TMEM74: variants seen among roughly 807,000 people sequenced by gnomAD.
TMEM74 encodes the protein transmembrane protein 74.
TMEM74 carries 13 observed loss-of-function variants against 18.1 expected under a neutral mutation model. The ratio of observed to expected loss-of-function variants is 0.72; its 90% CI spans 0.47 to 1.14. The LOEUF is 1.14. Ranked by LOEUF, TMEM74 falls within the 50% of genes most tolerant of loss-of-function variation. The pLI, the probability that TMEM74 is intolerant of heterozygous loss-of-function variation, is 0.00. For missense variants in TMEM74, 372 were observed against 375.9 expected, an observed-to-expected ratio of 0.99 and a Z score of 0.09; for synonymous variants, 159 against 146.6, an observed-to-expected ratio of 1.08 and a Z score of -0.61.
chr8:108,666,254 A>G (rs868438676), intron 1 of TMEM74, among the ~76,000 whole-genome samples: 6 of 152,310 alleles, frequency 3.9e-5, no homozygotes, highest in South Asian at 2.1e-4. Context: ...AGCTGGCAAC[A>G]TAGGTGTTTA....
At chr8:108,717,680 A>C (rs1000916408) in intron 1 of TMEM74, among the ~76,000 whole-genome samples, 1 of 152,134 alleles carries the variant, frequency 6.6e-6, no homozygotes, top group Non-Finnish European at 1.5e-5. Context: ...AGGGACTAGA[A>C]GGGGCGAGGG....
exon 4 of TMEM74, chr8:108,607,229 G>A (rs1812282487): frequency 6.6e-6 from 1 of 152,208 alleles, no homozygotes; most frequent in African/African-American, 2.4e-5. Context: ...AATTGGACAA[G>A]GTCACATGAC....
intron 1 of TMEM74, among the ~76,000 whole-genome samples, chr8:108,668,742 G>C (rs1812973704): frequency 6.6e-6 from 1 of 152,128 alleles, no homozygotes; most frequent in Non-Finnish European, 1.5e-5. Context: ...GGGGAAGTTT[G>C]ACTCTTATCA....
chr8:108,759,870 G>A (rs568130970), intron 1 of TMEM74, among the ~76,000 whole-genome samples: 3 of 152,072 alleles, frequency 2.0e-5, no homozygotes, highest in Non-Finnish European at 4.4e-5. Flanking sequence ...CCTGTAATAG[G>A]AAGAGTTTCA....
intron 1 of TMEM74, among the ~76,000 whole-genome samples, chr8:108,676,262 C>T (rs748656382): frequency 6.6e-6 from 1 of 152,162 alleles, no homozygotes; most frequent in Non-Finnish European, 1.5e-5. Flanking sequence ...ACCCAACACC[C>T]CTAAGAGCTG....
At chr8:108,703,072 T>G (rs1813352812) in intron 1 of TMEM74, among the ~76,000 whole-genome samples, 1 of 152,132 alleles carries the variant, frequency 6.6e-6, no homozygotes, top group Admixed American at 6.5e-5. Flanking sequence ...AAAGGAATAA[T>G]CCCTCTAGGC....
Position 108,651,066 on chromosome 8 carries a change from G to A in TMEM74, n.264+4227C>T, listed in dbSNP as rs145030587. On this transcript the variant is annotated intron_variant and non_coding_transcript_variant, in intron 2 of 3. Coordinates refer to the TMEM74 transcript ENST00000518838. Reference sequence around the variant, plus strand: ...ATTGCTTGATACTCTACACCGTTCTGTATCTCCCTTTTATGTCTTAATCTT... The same window carrying A: ...ATTGCTTGATACTCTACACCGTTCTATATCTCCCTTTTATGTCTTAATCTT... 3.9e-3 allele frequency among the ~76,000 whole-genome samples: 590 copies of A among 152,112 alleles called. 5 individuals carry two copies. The highest frequency in any genetic ancestry group is 0.011 in the African/African-American group (473 of 41,510).
chr8:108,609,988 G>T (rs540782344), intron 2 of TMEM74, among the ~76,000 whole-genome samples: 1 of 152,026 alleles, frequency 6.6e-6, no homozygotes, highest in African/African-American at 2.4e-5. Context: ...GAAAATAAAC[G>T]GGCCAAAAAT....
rs560617799 is a variant in TMEM74 at position 108,687,111 on chromosome 8, G to T, written n.120-31674C>A. On this transcript the variant is annotated intron_variant and non_coding_transcript_variant, in intron 1 of 3. Transcript: ENST00000518838. ...GTAAGGTAATTTGCTCTCCATTTGT[G>T]CTAAAAAATTTTATCTCTACCTCAC... is the stretch of plus-strand genomic sequence containing the variant. 1.3e-3 allele frequency among the ~76,000 whole-genome samples: 200 copies of T among 151,942 alleles called. 2 individuals are homozygous for T. In the South Asian group the frequency reaches 0.04, roughly 31 times the overall value.
At chr8:108,702,360 A>AG (rs1813345501) in intron 1 of TMEM74, among the ~76,000 whole-genome samples, 1 of 151,172 alleles carries the variant, frequency 6.6e-6, no homozygotes, top group Non-Finnish European at 1.5e-5. Context: ...AAAAAAAAAA[A>AG]AAGAAAGAAA....
chr8:108,757,888 T>C (rs1813995968), intron 1 of TMEM74, among the ~76,000 whole-genome samples: 1 of 152,040 alleles, frequency 6.6e-6, no homozygotes, highest in South Asian at 2.1e-4. Context: ...GAAGCTTTGA[T>C]GTCCTGAAGT....
chr8:108,760,588 A>C (rs188825653), intron 1 of TMEM74, among the ~76,000 whole-genome samples: 81 of 152,100 alleles, frequency 5.3e-4, no homozygotes, highest in Non-Finnish European at 2.2e-4. Context: ...ATGACTGCCA[A>C]GGAGAGCTTC....
At position 108,611,444 on chromosome 8, in the gene TMEM74, A is replaced by G. The variant is rs954994426; in HGVS notation, n.265-2618T>C. Among the ~76,000 whole-genome samples, 7 of 152,350 alleles carry G rather than the reference A, an allele frequency of 4.6e-5. No homozygotes were observed. In the East Asian group the frequency reaches 1.3e-3, roughly 29 times the overall value. ...CTCCAACATACTAATTATTCATCAC[A>G]AGTAAATTATAGTTAGTATTTCATA... On this transcript the variant is annotated intron_variant and non_coding_transcript_variant, in intron 2 of 3. Coordinates refer to the TMEM74 transcript ENST00000518838.
intron 1 of TMEM74, among the ~76,000 whole-genome samples, chr8:108,704,312 T>C (rs1367671589): frequency 6.6e-6 from 1 of 152,228 alleles, no homozygotes; most frequent in Non-Finnish European, 1.5e-5. Flanking sequence ...TCATTTTTCA[T>C]CCTATTCATC....
chr8:108,778,705 A>C (rs974604576), downstream of TMEM74, among the ~76,000 whole-genome samples: 1 of 152,198 alleles, frequency 6.6e-6, no homozygotes, highest in African/African-American at 2.4e-5. Context: ...ACATTCTTCA[A>C]ATGAAAATGG....
intron 2 of TMEM74, among the ~76,000 whole-genome samples, chr8:108,642,217 G>A (rs912557186): frequency 3.3e-5 from 5 of 151,888 alleles, no homozygotes; most frequent in East Asian, 1.9e-4. Flanking sequence ...TGGGCAACAC[G>A]GTGAAACCCT....
At chr8:108,617,814 C>G (rs1156391170) in intron 2 of TMEM74, among the ~76,000 whole-genome samples, 1 of 151,968 alleles carries the variant, frequency 6.6e-6, no homozygotes, top group Non-Finnish European at 1.5e-5. Flanking sequence ...GAGAATTCAG[C>G]CTTGGGACTC....
intron 1 of TMEM74, among the ~76,000 whole-genome samples, chr8:108,752,002 C>T (rs774480630): frequency 5.3e-5 from 8 of 152,016 alleles, no homozygotes; most frequent in Non-Finnish European, 8.8e-5. Flanking sequence ...GGACTATGGT[C>T]GTGAACATGA....
intron 1 of TMEM74, among the ~76,000 whole-genome samples, chr8:108,754,346 A>G (rs1414927783): frequency 6.6e-6 from 1 of 152,106 alleles, no homozygotes; most frequent in Non-Finnish European, 1.5e-5. Context: ...CACATATTTT[A>G]CATTTACCTA....
Sources: allele counts gnomAD v4.1 joint callset (sites outside exome capture counted in the v4.1 genomes callset), GRCh38; gene constraint gnomAD v4.1.1; transcripts MANE v1.5; gene names NCBI Gene and HGNC (gene_info 2026-07-23, HGNC 2026-07-21).